PTPRD: variants seen among roughly 807,000 people sequenced by gnomAD.
The protein encoded by PTPRD is receptor-type tyrosine-protein phosphatase delta.
PTPRD carries 34 observed loss-of-function variants against 214.5 expected under a neutral mutation model. The ratio of observed to expected loss-of-function variants is 0.16; its 90% CI spans 0.12 to 0.21. The LOEUF (loss-of-function observed/expected upper bound fraction) is 0.21, where lower values mean the gene tolerates loss of function less well. Ranked by LOEUF, PTPRD falls within the 10% of genes least tolerant of loss-of-function variation. PTPRD has a pLI of 1.00. For missense variants in PTPRD, 2,545 were observed against 2,398.7 expected (o/e 1.06, Z -1.27); for synonymous variants, 1,128 against 845.7 (o/e 1.33, Z -5.79).
intron 4 of PTPRD, among the ~76,000 whole-genome samples, chr9:9,962,623 C>T (rs899305211): frequency 2.0e-5 from 3 of 152,010 alleles, no homozygotes; most frequent in Admixed American, 6.6e-5. Flanking sequence ...CTAAAAGTTA[C>T]GATTAACGGT....
At chr9:8,792,389 T>G (rs547949070) in intron 11 of PTPRD, among the ~76,000 whole-genome samples, 5 of 152,332 alleles carry the variant, frequency 3.3e-5, no homozygotes, top group African/African-American at 1.2e-4. Flanking sequence ...GATTCTAGTT[T>G]ATACGGAGCC....
chr9:9,074,483 A>ATTGAGACT, intron 10 of PTPRD, among the ~76,000 whole-genome samples: 1 of 152,242 alleles, frequency 6.6e-6, no homozygotes, highest in Non-Finnish European at 1.5e-5. Context: ...AGTGATCAAA[A>ATTGAGACT]TTGAGACTTG....
chr9:9,972,808 A>G (rs1398467691), intron 4 of PTPRD, among the ~76,000 whole-genome samples: 1 of 152,036 alleles, frequency 6.6e-6, no homozygotes, highest in African/African-American at 2.4e-5. Context: ...CCTTTCTCAT[A>G]TCTCCTACTA....
intron 10 of PTPRD, among the ~76,000 whole-genome samples, chr9:9,169,658 G>C (rs1025207152): frequency 1.3e-5 from 2 of 152,076 alleles, no homozygotes; most frequent in African/African-American, 4.8e-5. Context: ...AGTTAAAAGA[G>C]ATTCTTCTGT....
intron 3 of PTPRD, among the ~76,000 whole-genome samples, chr9:10,208,750 A>T (rs1213674366): frequency 1.3e-5 from 2 of 152,222 alleles, no homozygotes; most frequent in Non-Finnish European, 2.9e-5. Flanking sequence ...TGCTAGAAAT[A>T]AGTAGAAAAA....
intron 7 of PTPRD, among the ~76,000 whole-genome samples, chr9:9,705,171 T>C (rs1029092407): frequency 3.3e-5 from 5 of 152,354 alleles, no homozygotes; most frequent in Admixed American, 2.6e-4. Flanking sequence ...CAATTCAGTA[T>C]ATATTCATAG....
intron 8 of PTPRD, among the ~76,000 whole-genome samples, chr9:9,459,071 G>A (rs1395668035): frequency 6.6e-6 from 1 of 152,020 alleles, no homozygotes; most frequent in Admixed American, 6.6e-5. Flanking sequence ...GCTGGGGTGT[G>A]GAAAAGGAAA....
chr9:8,688,289 A>C (rs1377654067), intron 12 of PTPRD, among the ~76,000 whole-genome samples: 1 of 152,190 alleles, frequency 6.6e-6, no homozygotes, highest in Non-Finnish European at 1.5e-5. Flanking sequence ...AAATATAGCC[A>C]GGCGTGGTGG....
At chr9:10,066,793 C>T (rs559586884) in intron 3 of PTPRD, among the ~76,000 whole-genome samples, 4 of 151,884 alleles carry the variant, frequency 2.6e-5, no homozygotes, top group African/African-American at 9.6e-5. Context: ...CTTGTTTTTG[C>T]TTCTGGATTG....
intron 11 of PTPRD, among the ~76,000 whole-genome samples, chr9:8,773,767 A>G (rs1303493114): frequency 6.6e-6 from 1 of 152,226 alleles, no homozygotes; most frequent in African/African-American, 2.4e-5. Context: ...TACAATAACT[A>G]TGATTCAAAA....
intron 2 of PTPRD, among the ~76,000 whole-genome samples, chr9:10,448,826 G>A (rs73390315): frequency 6.6e-6 from 1 of 151,832 alleles, no homozygotes; most frequent in Non-Finnish European, 1.5e-5. Flanking sequence ...CCAAGAGAAA[G>A]CATTCTCTCC....
At chr9:8,449,322 A>G (rs1445395571) in intron 34 of PTPRD, among the ~76,000 whole-genome samples, 1 of 152,110 alleles carries the variant, frequency 6.6e-6, no homozygotes, top group Non-Finnish European at 1.5e-5. Flanking sequence ...ATATAGAACA[A>G]ATCTATGCTT....
intron 10 of PTPRD, among the ~76,000 whole-genome samples, chr9:9,159,900 G>A (rs925587447): frequency 6.6e-6 from 1 of 152,154 alleles, no homozygotes; most frequent in East Asian, 1.9e-4. Context: ...AATAAATCTA[G>A]TCATTTGTGG....
At chr9:10,190,228 G>T (rs1025199131) in intron 3 of PTPRD, among the ~76,000 whole-genome samples, 1 of 151,322 alleles carries the variant, frequency 6.6e-6, no homozygotes, top group East Asian at 2.0e-4. Flanking sequence ...TTAGCAGGGT[G>T]TGGTGCAGTG....
At chr9:10,172,780 A>C (rs1203882625) in intron 3 of PTPRD, among the ~76,000 whole-genome samples, 1 of 152,216 alleles carries the variant, frequency 6.6e-6, no homozygotes, top group Middle Eastern at 3.2e-3. Flanking sequence ...AGTGATACCC[A>C]GGCCACTTAG....
intron 2 of PTPRD, among the ~76,000 whole-genome samples, chr9:10,469,177 C>T (rs755629517): frequency 3.3e-5 from 5 of 151,998 alleles, no homozygotes; most frequent in Non-Finnish European, 7.4e-5. Context: ...AAAAGACAAA[C>T]ATTATGGTTG....
At chr9:10,223,381 C>CCAG (rs2099577748) in intron 3 of PTPRD, among the ~76,000 whole-genome samples, 2 of 151,842 alleles carry the variant, frequency 1.3e-5, no homozygotes, top group Non-Finnish European at 2.9e-5. Context: ...AGTAGTTAAC[C>CCAG]CAGCAGGACG....
intron 5 of PTPRD, among the ~76,000 whole-genome samples, chr9:9,931,516 G>T (rs1034865157): frequency 1.3e-5 from 2 of 152,160 alleles, no homozygotes; most frequent in South Asian, 2.1e-4. Context: ...GCGCTTTTCC[G>T]ACGGGCTTAA....
intron 14 of PTPRD, among the ~76,000 whole-genome samples, chr9:8,611,312 T>C (rs1006718397): frequency 7.2e-5 from 11 of 152,166 alleles, no homozygotes; most frequent in African/African-American, 2.7e-4. Flanking sequence ...GACTTGCCAG[T>C]TGGGCAAAGC....
Sources: gnomAD v4.1 joint callset for allele counts (sites outside exome capture counted in the v4.1 genomes callset) on GRCh38, gnomAD v4.1.1 for gene constraint, MANE v1.5 for transcripts, NCBI Gene and HGNC (gene_info 2026-07-23, HGNC 2026-07-21) for gene names.